Variants in TCF7L2 observed in about 807,000 individuals in gnomAD.
TCF7L2 encodes the protein transcription factor 7 like 2.
In TCF7L2, 23 loss-of-function variants were observed where a neutral mutation model predicts 77.9. The observed-to-expected ratio is 0.30, with a 90% CI of 0.21 to 0.42. The LOEUF is 0.42. Among genes scored for constraint, TCF7L2 ranks in the 10% least tolerant of loss-of-function variants. TCF7L2 has a pLI of 1.00. For missense variants in TCF7L2, 654 were observed against 793.1 expected, an observed-to-expected ratio of 0.82 and a Z score of 2.11; for synonymous variants, 413 against 340.2, an observed-to-expected ratio of 1.21 and a Z score of -2.36.
intron 3 of TCF7L2, among the ~76,000 whole-genome samples, chr10:112,961,235 G>C (rs955961842): frequency 1.8e-5 from 2 of 108,408 alleles, no homozygotes; most frequent in African/African-American, 8.8e-5. Flanking sequence ...GGCTGGTCTC[G>C]AACTCCCGAC....
intron 4 of TCF7L2, among the ~76,000 whole-genome samples, chr10:113,014,547 C>T (rs1461413862): frequency 2.0e-5 from 3 of 152,038 alleles, no homozygotes; most frequent in Non-Finnish European, 4.4e-5. Flanking sequence ...AATCCCAGCA[C>T]TTTGGGAGGC....
At chr10:113,083,374 T>G (rs539989158) in intron 5 of TCF7L2, among the ~76,000 whole-genome samples, 1 of 150,284 alleles carries the variant, frequency 6.7e-6, no homozygotes, top group East Asian at 2.0e-4. Context: ...AAAATAATAA[T>G]GAGAAAAAAG....
Position 113,165,640 on chromosome 10 carries a change from C to T in TCF7L2, c.1477C>T (p.Pro493Ser), listed in dbSNP as rs970148079. Reference sequence around the variant, plus strand: ...TTCAGATGGAAGCTTACTAGATTCGCCTCCCCCCTCCCCGAACCTGCTAGG... The same window carrying T: ...TTCAGATGGAAGCTTACTAGATTCGTCTCCCCCCTCCCCGAACCTGCTAGG... Residue 493 changes from proline to serine, a missense_variant, in exon 14 of 14, where the codon CCT becomes TCT. This residue lies in a region of TCF7L2 where 272 missense variants were observed against 215.4 expected (regional missense o/e 1.26). Coordinates refer to ENST00000627217, the MANE Select transcript of TCF7L2 (RefSeq NM_001146274.2). 2.5e-6 allele frequency: 4 copies of T among 1,612,574 alleles called. No individual in the cohort carries two copies. Among genetic ancestry groups the T allele is most frequent in the Non-Finnish European group, 3.4e-6 (4 of 1,179,272 alleles).
At chr10:113,029,830 C>T (rs1381259610) in intron 4 of TCF7L2, among the ~76,000 whole-genome samples, 3 of 152,026 alleles carry the variant, frequency 2.0e-5, no homozygotes, top group Non-Finnish European at 4.4e-5. Context: ...CGCCAAGCCT[C>T]CCCATCCCCT....
intron 4 of TCF7L2, among the ~76,000 whole-genome samples, chr10:113,027,651 C>G (rs1035205742): frequency 1.3e-5 from 2 of 152,104 alleles, no homozygotes; most frequent in Non-Finnish European, 2.9e-5. Context: ...TTATTGTGCT[C>G]GAAATATCTC....
intron 5 of TCF7L2, among the ~76,000 whole-genome samples, chr10:113,130,465 AG>A (rs2066407525): frequency 1.3e-5 from 2 of 152,250 alleles, no homozygotes; most frequent in South Asian, 2.1e-4. Flanking sequence ...TAACAGTAGC[AG>A]GGCTGTGTAA....
At chr10:113,010,734 C>T (rs1488255224) in intron 4 of TCF7L2, among the ~76,000 whole-genome samples, 1 of 152,208 alleles carries the variant, frequency 6.6e-6, no homozygotes, top group African/African-American at 2.4e-5. Flanking sequence ...AGAAATTAGG[C>T]TGGGCGTGGT....
At position 113,006,483 on chromosome 10, in the gene TCF7L2, T is replaced by C. The variant is rs150257140; in HGVS notation, c.451-33542T>C. Among the ~76,000 whole-genome samples, 85 of 152,256 alleles carry C rather than the reference T, an allele frequency of 5.6e-4. 1 individual carries two copies. In the East Asian group the frequency reaches 0.016, roughly 28 times the overall value. On this transcript the variant is annotated intron_variant, in intron 4 of 13. Transcript: ENST00000627217. The stretch of plus-strand genomic sequence containing the variant: ...TATTAATATTTACTGAGGTATAAAT[T>C]ACAGCAAAGTGCGCAGACCTAGGTA...
At chr10:113,025,896 T>A (rs1033771053) in intron 4 of TCF7L2, among the ~76,000 whole-genome samples, 1 of 151,816 alleles carries the variant, frequency 6.6e-6, no homozygotes, top group East Asian at 1.9e-4. Flanking sequence ...TTTTTTTTTT[T>A]AGATAGAGTC....
chr10:113,064,037 G>A (rs1045952243), intron 5 of TCF7L2, among the ~76,000 whole-genome samples: 2 of 152,122 alleles, frequency 1.3e-5, no homozygotes, highest in African/African-American at 4.8e-5. Context: ...AGGAAGGGGA[G>A]GCGTTTATTG....
Position 113,166,044 on chromosome 10 carries a change from A to G in TCF7L2, c.*72A>G, listed in dbSNP as rs1327542059. 5.4e-6 allele frequency: 7 copies of G among 1,288,032 alleles called. No individual in the cohort carries two copies. Among genetic ancestry groups the G allele is most frequent in the Non-Finnish European group, 6.9e-6 (7 of 1,009,132 alleles). The allele number at this position is 1,288,032 out of a possible 1,614,324, so 79.8% of individuals were successfully genotyped here. A position where few individuals can be genotyped will look rare whatever the true frequency, so the allele number is the denominator to read the frequency against. ...TTTTCTTAATTTGCCCCCCACCCCC[A>G]CCTTGAAAGGTTTTGTTTTGTACTC... On this transcript the variant is annotated 3_prime_UTR_variant, in exon 14 of 14. Transcript: ENST00000627217.
intron 5 of TCF7L2, chr10:113,126,526 G>A: frequency 1.0e-6 from 1 of 981,840 alleles, no homozygotes; most frequent in Non-Finnish European, 1.2e-6. Context: ...GAATGCCGGG[G>A]TTTGGGGGAA....
intron 5 of TCF7L2, among the ~76,000 whole-genome samples, chr10:113,084,346 C>T (rs1264287742): frequency 3.3e-5 from 5 of 152,126 alleles, no homozygotes; most frequent in South Asian, 2.1e-4. Flanking sequence ...TTTCAAAGGC[C>T]GGTGGGCTGG....
At chr10:112,977,701 T>C (rs1264601548) in intron 4 of TCF7L2, among the ~76,000 whole-genome samples, 1 of 152,060 alleles carries the variant, frequency 6.6e-6, no homozygotes, top group African/African-American at 2.4e-5. Context: ...TTGGACCAAT[T>C]TGGGAATGAT....
chr10:113,086,772 A>C (rs74818787), intron 5 of TCF7L2, among the ~76,000 whole-genome samples: 5 of 115,932 alleles, frequency 4.3e-5, no homozygotes, highest in Non-Finnish European at 8.6e-5. Flanking sequence ...AAAAAAAAAA[A>C]AAAACTATAG....
At chr10:113,038,766 T>C (rs1461810947) in intron 4 of TCF7L2, among the ~76,000 whole-genome samples, 1 of 152,140 alleles carries the variant, frequency 6.6e-6, no homozygotes, top group Non-Finnish European at 1.5e-5. Context: ...CTGTCTTGAT[T>C]TACCTGTGTC....
chr10:113,011,709 A>C (rs2046480631), intron 4 of TCF7L2, among the ~76,000 whole-genome samples: 1 of 152,078 alleles, frequency 6.6e-6, no homozygotes, highest in Non-Finnish European at 1.5e-5. Context: ...AACCACTTTG[A>C]GTATTGCTCT....
chr10:113,147,787 G>A (rs955727724), intron 8 of TCF7L2, among the ~76,000 whole-genome samples: 8 of 152,128 alleles, frequency 5.3e-5, no homozygotes, highest in African/African-American at 1.9e-4. Context: ...AGTAATTGTA[G>A]GATAGGGATT....
intron 5 of TCF7L2, among the ~76,000 whole-genome samples, chr10:113,050,607 G>A (rs1304821450): frequency 6.6e-6 from 1 of 152,144 alleles, no homozygotes; most frequent in Admixed American, 6.5e-5. Flanking sequence ...AAACTTTTGG[G>A]AGTATTCAGT....
Sources: allele counts gnomAD v4.1 joint callset (sites outside exome capture counted in the v4.1 genomes callset), GRCh38; gene constraint gnomAD v4.1.1; regional missense constraint gnomAD v4.1.1; transcripts MANE v1.5; gene names NCBI Gene and HGNC (gene_info 2026-07-23, HGNC 2026-07-21).